HOMER1: variants seen among roughly 807,000 people sequenced by gnomAD.
HOMER1 encodes the protein homer scaffold protein 1.
Under a neutral mutation model 48.9 loss-of-function variants are expected in HOMER1, and 3 were observed. That is an observed-to-expected ratio of 0.06 (90% CI 0.03 to 0.16). The LOEUF (loss-of-function observed/expected upper bound fraction) is 0.16, where lower values mean the gene tolerates loss of function less well. Among genes scored for constraint, HOMER1 ranks in the 10% least tolerant of loss-of-function variants. The pLI is 1.00. For missense variants in HOMER1, 247 were observed against 411.4 expected (o/e 0.60, Z 3.46); for synonymous variants, 134 against 146.4 (o/e 0.92, Z 0.61).
Position 79,376,155 on chromosome 5 carries a change from C to T in HOMER1, c.919G>A (p.Asp307Asn), listed in dbSNP as rs768876893. 1 of 1,613,754 alleles carries T rather than the reference C, an allele frequency of 6.2e-7. No homozygotes were observed. Among genetic ancestry groups the T allele is most frequent in the South Asian group, 1.1e-5 (1 of 91,008 alleles). ...RNKDLEGQLS[D>N]LEQRLEKSQN... Reference sequence around the variant, plus strand: ...CTTTTCTCCAGACGTTGCTCTAAGTCAGACAGTTGTCCCTCCAGGTCTTTG... The same window carrying T: ...CTTTTCTCCAGACGTTGCTCTAAGTTAGACAGTTGTCCCTCCAGGTCTTTG... Residue 307 changes from aspartate (D) to asparagine (N), a missense_variant, in exon 9 of 9, where the codon GAC becomes AAC. Physicochemically the swap from Asp to Asn is conservative, Grantham distance 23. This residue lies in a region of HOMER1 where 113 missense variants were observed against 152.5 expected (regional missense o/e 0.74). Coordinates refer to ENST00000334082, the MANE Select transcript of HOMER1 (RefSeq NM_004272.5).
chr5:79,445,274 G>A (rs1462791848), intron 4 of HOMER1, among the ~76,000 whole-genome samples: 1 of 152,088 alleles, frequency 6.6e-6, no homozygotes, highest in Non-Finnish European at 1.5e-5. Context: ...AAAAGCTACT[G>A]AGTACAGTTC....
At chr5:79,500,798 CA>C (rs1315981861) in intron 1 of HOMER1, among the ~76,000 whole-genome samples, 1 of 151,452 alleles carries the variant, frequency 6.6e-6, no homozygotes, top group Non-Finnish European at 1.5e-5. Context: ...CTAATTTTTG[CA>C]CTTTTAGTAG....
At chr5:79,414,928 T>C (rs947941478) in intron 5 of HOMER1, among the ~76,000 whole-genome samples, 3 of 152,208 alleles carry the variant, frequency 2.0e-5, no homozygotes, top group African/African-American at 4.8e-5. Context: ...GAAGTTCCTA[T>C]AGTGAACTAG....
chr5:79,387,832 A>C (rs555845787), intron 8 of HOMER1, among the ~76,000 whole-genome samples: 1 of 152,318 alleles, frequency 6.6e-6, no homozygotes, highest in East Asian at 1.9e-4. Flanking sequence ...TCCTCCCCAA[A>C]CTATATAAAC....
At chr5:79,392,954 GGAGAGAGAGAGA>G (rs3082001) in intron 8 of HOMER1, among the ~76,000 whole-genome samples, 6 of 140,880 alleles carry the variant, frequency 4.3e-5, no homozygotes, top group East Asian at 2.1e-4. Flanking sequence ...GAAGGGAAAG[GGAGAGAGAGAGA>G]GAGAGAGAGA....
At chr5:79,490,956 G>C (rs1477175348) in intron 1 of HOMER1, among the ~76,000 whole-genome samples, 1 of 148,666 alleles carries the variant, frequency 6.7e-6, no homozygotes, top group Non-Finnish European at 1.5e-5. Flanking sequence ...TAGATAAATA[G>C]ATAAGTTTCT....
intron 5 of HOMER1, among the ~76,000 whole-genome samples, chr5:79,425,511 A>G (rs1246124346): frequency 5.3e-5 from 8 of 152,102 alleles, no homozygotes; most frequent in Non-Finnish European, 1.0e-4. Context: ...GTCTAGTATT[A>G]GTTCAAGGCT....
rs1219508309 is a variant in HOMER1, at chr5:79,375,117, A to G, written c.*892T>C. On this transcript the variant is annotated 3_prime_UTR_variant, in exon 9 of 9. Coordinates refer to ENST00000334082, the MANE Select transcript of HOMER1 (RefSeq NM_004272.5). ...TCAGAAAAGATTTCTTGCAAAATAT[A>G]TAAATAAATGTAACTGCATATTCTG... is the stretch of plus-strand genomic sequence containing the variant. 6.6e-6 allele frequency: 1 copy of G among 152,132 alleles called. No homozygotes were observed. Among genetic ancestry groups the G allele is most frequent in the Admixed American group, 6.5e-5 (1 of 15,274 alleles). The allele number at this position is 152,132 out of a possible 1,614,324, so 9.4% of individuals were successfully genotyped here. A position where few individuals can be genotyped will look rare whatever the true frequency, so the allele number is the denominator to read the frequency against.
intron 3 of HOMER1, among the ~76,000 whole-genome samples, chr5:79,448,813 C>T (rs1750954372): frequency 6.6e-6 from 1 of 151,966 alleles, no homozygotes. Context: ...TCTGAAGAGA[C>T]TGATCTGAAG....
At chr5:79,425,812 C>A (rs537157486) in intron 5 of HOMER1, among the ~76,000 whole-genome samples, 1 of 151,830 alleles carries the variant, frequency 6.6e-6, no homozygotes, top group Non-Finnish European at 1.5e-5. Context: ...GCCAAAGAGA[C>A]CTTAGGTGGT....
In HOMER1 at chr5:79,513,065, G is replaced by A. The variant is rs1309965418; in HGVS notation, c.-291C>T. On this transcript the variant is annotated 5_prime_UTR_variant, in exon 1 of 9. Coordinates refer to ENST00000334082, the MANE Select transcript of HOMER1 (RefSeq NM_004272.5). ...ATTCCACAAAATGAGTCTACAAGTA[G>A]GGAAATGCAGAATCCGGCTTCACCG... The A allele has an allele frequency of 2.2e-6, 1 of 460,408 alleles. No individual in the cohort carries two copies. Among genetic ancestry groups the A allele is most frequent in the African/African-American group, 2.0e-5 (1 of 49,152 alleles). The allele number at this position is 460,408 out of a possible 1,614,324, so 28.5% of individuals were successfully genotyped here.
chr5:79,503,105 C>T (rs555711099), intron 1 of HOMER1, among the ~76,000 whole-genome samples: 3 of 152,212 alleles, frequency 2.0e-5, no homozygotes, highest in African/African-American at 7.2e-5. Context: ...ACTTTTAACT[C>T]CTCAAAAACT....
chr5:79,443,148 A>G (rs1750784144), intron 4 of HOMER1, among the ~76,000 whole-genome samples: 1 of 152,074 alleles, frequency 6.6e-6, no homozygotes, highest in South Asian at 2.1e-4. Flanking sequence ...TATTTATATA[A>G]TTATAAAACT....
chr5:79,490,782 A>C (rs1362404040), intron 1 of HOMER1, among the ~76,000 whole-genome samples: 2 of 125,386 alleles, frequency 1.6e-5, no homozygotes, highest in African/African-American at 5.7e-5. Context: ...AAAAAAAAAC[A>C]AAAAAAAAAA....
intron 1 of HOMER1, among the ~76,000 whole-genome samples, chr5:79,486,827 C>A (rs1454581622): frequency 1.3e-5 from 2 of 152,182 alleles, no homozygotes; most frequent in African/African-American, 4.8e-5. Flanking sequence ...CAATGGAACA[C>A]TATTGAGTTT....
chr5:79,450,970 A>C lies in HOMER1; in HGVS notation c.294+20T>G, dbSNP rs1260535228. The C allele has an allele frequency of 1.2e-6, 2 of 1,607,730 alleles. No homozygotes were observed. The highest frequency in any genetic ancestry group is 3.3e-5 in the Admixed American group (2 of 59,708). On this transcript the variant is annotated intron_variant, in intron 3 of 8. Coordinates refer to ENST00000334082, the MANE Select transcript of HOMER1 (RefSeq NM_004272.5). ...ACTTGAAGATGAAGATTTTCATTCA[A>C]ATTTTATGATTTAACTCACTTTCGA... is the stretch of plus-strand genomic sequence containing the variant.
chr5:79,488,686 A>G (rs1375600235), intron 1 of HOMER1, among the ~76,000 whole-genome samples: 1 of 152,228 alleles, frequency 6.6e-6, no homozygotes, highest in Non-Finnish European at 1.5e-5. Flanking sequence ...AAATGCACTT[A>G]TAATAAATAG....
rs1433277861 is a variant in HOMER1 at position 79,375,946 on chromosome 5, A to C, written c.*63T>G. The C allele has an allele frequency of 2.7e-5, 26 of 972,464 alleles. No homozygotes were observed. The highest frequency in any genetic ancestry group is 3.5e-5 in the Non-Finnish European group (24 of 684,342). 60.2% of individuals were successfully genotyped at this position (972,464 alleles called of 1,614,324 possible). On this transcript the variant is annotated 3_prime_UTR_variant, in exon 9 of 9. Transcript: ENST00000334082. The stretch of plus-strand genomic sequence containing the variant: ...TTTGTGCAATCTTGATGCAGAGCCT[A>C]AACAGTCCTATGAAGAGAGACAGTG...
rs200300704 is a variant in HOMER1 at position 79,433,594 on chromosome 5, T to A, written c.527+5416A>T. ...AGAAAAACAAACAAACAAAAAAGAT[T>A]AAGCACTTCCTTTTGTATTTTAGTT... On this transcript the variant is annotated intron_variant, in intron 5 of 8. Coordinates refer to ENST00000334082, the MANE Select transcript of HOMER1 (RefSeq NM_004272.5). Among the ~76,000 whole-genome samples the A allele has an allele frequency of 7.9e-5, 12 of 152,232 alleles. No homozygotes were observed. The East Asian group carries it at 2.3e-3, about 29-fold the overall frequency.
Sources: gnomAD v4.1 joint callset for allele counts (sites outside exome capture counted in the v4.1 genomes callset) on GRCh38, gnomAD v4.1.1 for gene constraint, gnomAD v4.1.1 regional missense constraint, MANE v1.5 for transcripts, NCBI Gene and HGNC (gene_info 2026-07-23, HGNC 2026-07-21) for gene names.